STMN1: variants seen among roughly 807,000 people sequenced by gnomAD.
STMN1 encodes the protein stathmin 1.
STMN1 carries 3 observed loss-of-function variants against 19.7 expected under a neutral mutation model. The ratio of observed to expected loss-of-function variants is 0.15; its 90% CI spans 0.07 to 0.39. STMN1 has a LOEUF of 0.39. Ranked by LOEUF, STMN1 falls within the 10% of genes least tolerant of loss-of-function variation. The pLI is 1.00. For missense variants in STMN1, 99 were observed against 176.0 expected (o/e 0.56, Z 2.48); for synonymous variants, 59 against 58.9 (o/e 1.00, Z -0.01).
At chr1:25,901,790 A>C in intron 3 of STMN1, 108 bp from the exon 4 acceptor site, 1 of 1,092,430 alleles carries the variant, frequency 9.2e-7, no homozygotes, top group Non-Finnish European at 1.3e-6. Flanking sequence ...TGGGTGGATC[A>C]TTTGAGGTCA....
At chr1:25,902,031 G>A (rs555342213) in intron 3 of STMN1, 1 of 157,950 alleles carries the variant, frequency 6.3e-6, no homozygotes, top group Non-Finnish European at 1.4e-5. Flanking sequence ...TTCAGCATAA[G>A]TTAAAATTAC....
At chr1:25,892,284 G>A (rs554428881) in intron 4 of STMN1, among the ~76,000 whole-genome samples, 4 of 152,296 alleles carry the variant, frequency 2.6e-5, no homozygotes, top group Non-Finnish European at 5.9e-5. Flanking sequence ...AGCTACTTGG[G>A]AGGCTGAGGC....
At chr1:25,892,670 C>T in intron 4 of STMN1, 2 of 914,494 alleles carry the variant, frequency 2.2e-6, no homozygotes, top group South Asian at 5.0e-5. Flanking sequence ...GCCTCTAAAC[C>T]AAACGCCCCC....
rs192137121 is a variant in STMN1, at chr1:25,889,414, C to A, written c.379-3545G>T. On this transcript the variant is annotated intron_variant, in intron 4 of 4. Coordinates refer to the STMN1 transcript ENST00000426559. ...GTCTGCCATGATGGCCAAATGAAACCATTGTTCCCCTCCATCCATCCCCCC... is the reference window on the plus strand; with the variant it reads ...GTCTGCCATGATGGCCAAATGAAACAATTGTTCCCCTCCATCCATCCCCCC... Among the ~76,000 whole-genome samples, 352 of 152,144 alleles carry A rather than the reference C, an allele frequency of 2.3e-3. 2 individuals are homozygous for A. Among genetic ancestry groups the A allele is most frequent in the African/African-American group, 7.6e-3 (316 of 41,504 alleles).
intron 4 of STMN1, among the ~76,000 whole-genome samples, chr1:25,891,593 C>T (rs2095426): frequency 0.56 from 85,023 of 151,908 alleles, 24,068 homozygotes; most frequent in South Asian, 0.74. Context: ...AAATGGACTT[C>T]TGAGTTCTTC....
At chr1:25,889,063 A>G (rs550905256) in intron 4 of STMN1, 151 of 491,772 alleles carry the variant, frequency 3.1e-4, no homozygotes, top group African/African-American at 2.7e-3. Context: ...AAAATCAGGT[A>G]CAACTCCAAA....
chr1:25,885,918 G>A, intron 4 of STMN1: 1 of 1,499,446 alleles, frequency 6.7e-7, no homozygotes, highest in South Asian at 1.3e-5. Context: ...CAGAGGCCAA[G>A]GGACAGGAGG....
intron 2 of STMN1, 72 bp from the exon 3 acceptor site, chr1:25,903,885 T>TA (rs2048905078): frequency 6.8e-7 from 1 of 1,467,232 alleles, no homozygotes; most frequent in Non-Finnish European, 9.1e-7. Flanking sequence ...TATAATTTTC[T>TA]AAAACCCAAA....
chr1:25,891,066 C>T (rs535847499), intron 4 of STMN1, among the ~76,000 whole-genome samples: 3 of 152,304 alleles, frequency 2.0e-5, no homozygotes, highest in East Asian at 1.9e-4. Flanking sequence ...GGCACAGCAG[C>T]TCATGTCTGT....
chr1:25,901,434 CA>C, intron 4 of STMN1, 56 bp downstream of exon 4: 2 of 1,539,744 alleles, frequency 1.3e-6, no homozygotes, highest in Non-Finnish European at 1.7e-6. Context: ...TAGTTCAAGC[CA>C]ACTCATTGGT....
chr1:25,899,306 T>C (rs1371127775), downstream of STMN1, among the ~76,000 whole-genome samples: 2 of 97,932 alleles, frequency 2.0e-5, no homozygotes, highest in African/African-American at 3.5e-5. Flanking sequence ...CCTCTTTATA[T>C]TCCCATCTAT....
At chr1:25,890,166 G>T (rs1310484998) in intron 4 of STMN1, among the ~76,000 whole-genome samples, 3 of 152,142 alleles carry the variant, frequency 2.0e-5, no homozygotes, top group Non-Finnish European at 4.4e-5. Flanking sequence ...GTTTCGGGTG[G>T]TCTCTTAGGG....
At position 25,901,266 on chromosome 1, in the gene STMN1, C is replaced by T. The variant is rs564519487; in HGVS notation, c.379-179G>A. 9.7e-6 allele frequency: 12 copies of T among 1,242,142 alleles called. No individual in the cohort carries two copies. The East Asian group carries it at 2.8e-4, about 29-fold the overall frequency. 76.9% of individuals were successfully genotyped at this position (1,242,142 alleles called of 1,614,324 possible). ...ACATCATCATCAAATCTCCTGGGTCCCTTGTAGAACCTAACAAGCTGCCTA... is the reference window on the plus strand; with the variant it reads ...ACATCATCATCAAATCTCCTGGGTCTCTTGTAGAACCTAACAAGCTGCCTA... On this transcript the variant is annotated intron_variant, in intron 4 of 4. Transcript: ENST00000455785.
chr1:25,900,496 G>A lies in STMN1; in HGVS notation c.*520C>T. The A allele has an allele frequency of 1.0e-6, 1 of 985,894 alleles. No homozygotes were observed. The highest frequency in any genetic ancestry group is 1.2e-6 in the Non-Finnish European group (1 of 830,018). 61.1% of individuals were successfully genotyped at this position (985,894 alleles called of 1,614,324 possible). On this transcript the variant is annotated 3_prime_UTR_variant, in exon 5 of 5. Transcript: ENST00000455785. ...TCTACCAGCCCCAAAGGCCCCATCT[G>A]GAACAAGTATCAACCAGGAGGGGCT... is the stretch of plus-strand genomic sequence containing the variant.
At chr1:25,897,910 T>G (rs976687618), downstream of STMN1, among the ~76,000 whole-genome samples, 23 of 152,198 alleles carry the variant, frequency 1.5e-4, no homozygotes, top group African/African-American at 5.3e-4. Context: ...TTCCCAAGTT[T>G]AGAGCACATG....
At chr1:25,901,179 G>C (rs2048869235) in intron 4 of STMN1, 92 bp from the exon 5 acceptor site, 2 of 1,551,786 alleles carry the variant, frequency 1.3e-6, no homozygotes, top group African/African-American at 2.8e-5. Context: ...CCTCAAAGAG[G>C]CCCAACACAA....
intron 3 of STMN1, 107 bp downstream of exon 3, chr1:25,903,531 GTAA>G: frequency 2.1e-6 from 3 of 1,409,584 alleles, no homozygotes; most frequent in Non-Finnish European, 2.9e-6. Context: ...ACTGGCATAT[GTAA>G]TAATCACAGT....
At position 25,885,645 on chromosome 1, in the gene STMN1, A is replaced by C; in HGVS notation, c.*78T>G. The C allele has an allele frequency of 4.2e-6, 6 of 1,433,568 alleles. No individual in the cohort carries two copies. In the South Asian group the frequency reaches 9.5e-5, roughly 23 times the overall value. 88.8% of individuals were successfully genotyped at this position (1,433,568 alleles called of 1,614,324 possible). ...CCCAAAGGCTTTTTCTATCTTCCAC[A>C]TCAAGGATCCTCTTGGCCAGACTGT... On this transcript the variant is annotated 3_prime_UTR_variant, in exon 5 of 5. Transcript: ENST00000426559.
At chr1:25,894,156 T>G (rs1311487365) in intron 4 of STMN1, among the ~76,000 whole-genome samples, 2 of 152,196 alleles carry the variant, frequency 1.3e-5, no homozygotes, top group South Asian at 2.1e-4. Flanking sequence ...GATGAGGGAA[T>G]GTACTGTGTG....
Sources: gnomAD v4.1 joint callset for allele counts (sites outside exome capture counted in the v4.1 genomes callset) on GRCh38, gnomAD v4.1.1 for gene constraint, MANE v1.5 for transcripts, NCBI Gene and HGNC (gene_info 2026-07-23, HGNC 2026-07-21) for gene names.